The following DACH2 variants were observed in gnomAD, a reference collection of about 807,000 sequenced individuals.
The protein encoded by DACH2 is dachshund homolog 2.
DACH2 carries 17 observed loss-of-function variants against 35.8 expected under a neutral mutation model. The ratio of observed to expected loss-of-function variants is 0.48; its 90% CI spans 0.33 to 0.71. The LOEUF (loss-of-function observed/expected upper bound fraction) is 0.71. DACH2 is among the 30% of genes least tolerant of loss of function. The probability of loss-of-function intolerance (pLI) is 0.02; values close to 1 mark genes in which losing one functional copy is unlikely to be tolerated. For synonymous variants in DACH2, 195 were observed against 177.3 expected (o/e 1.10, Z -0.79); for missense variants, 469 against 472.7 (o/e 0.99, Z 0.07).
intron 3 of DACH2, among the ~76,000 whole-genome samples, chrX:86,583,929 G>T (rs1277102914): frequency 9.1e-6 from 1 of 110,240 alleles, no homozygotes; most frequent in Non-Finnish European, 1.9e-5. Flanking sequence ...TGAGAGTAAT[G>T]CCTGCCTAGT....
At chrX:86,302,407 A>T (rs1240275744) in intron 1 of DACH2, among the ~76,000 whole-genome samples, 1 of 111,908 alleles carries the variant, frequency 8.9e-6, no homozygotes, top group African/African-American at 3.2e-5. Flanking sequence ...ATTATAGAGA[A>T]TTAATTGTAT....
intron 1 of DACH2, among the ~76,000 whole-genome samples, chrX:86,153,875 T>A (rs2030453471): frequency 8.9e-6 from 1 of 111,818 alleles, no homozygotes; most frequent in Non-Finnish European, 1.9e-5. Context: ...CCTCACTCAT[T>A]TATTAGGTGA....
intron 2 of DACH2, among the ~76,000 whole-genome samples, chrX:86,426,021 G>A (rs1003446235): frequency 5.4e-5 from 6 of 111,108 alleles, no homozygotes; most frequent in African/African-American, 2.0e-4. Context: ...TACTGAAACC[G>A]CATGCTTAGA....
chrX:86,609,458 G>A (rs898698217), intron 3 of DACH2, among the ~76,000 whole-genome samples: 10 of 111,617 alleles, frequency 9.0e-5, no homozygotes, highest in Non-Finnish European at 1.9e-4. Flanking sequence ...CTCCTGGATT[G>A]GTCTCTTGTG....
At chrX:86,282,122 C>T (rs1602351651) in intron 1 of DACH2, among the ~76,000 whole-genome samples, 1 of 108,371 alleles carries the variant, frequency 9.2e-6, no homozygotes, top group Non-Finnish European at 1.9e-5. Flanking sequence ...GCTACCATTG[C>T]CTTTCTTCAA....
At chrX:86,187,586 G>A (rs1190993814) in intron 1 of DACH2, among the ~76,000 whole-genome samples, 1 of 109,619 alleles carries the variant, frequency 9.1e-6, no homozygotes, top group African/African-American at 3.3e-5. Flanking sequence ...CCCAGCTAAT[G>A]TTTGTATTTT....
intron 1 of DACH2, among the ~76,000 whole-genome samples, chrX:86,323,948 A>G (rs1442538376): frequency 8.9e-6 from 1 of 111,739 alleles, no homozygotes; most frequent in Admixed American, 9.5e-5. Context: ...AGTACAGGAA[A>G]CCTTGGAAAT....
intron 5 of DACH2, among the ~76,000 whole-genome samples, chrX:86,702,167 A>C (rs2041152647): frequency 8.9e-6 from 1 of 112,101 alleles, no homozygotes; most frequent in Non-Finnish European, 1.9e-5. Context: ...TCTGCTCTTG[A>C]AAGATTTTTG....
chrX:86,737,508 A>C (rs1184454354), intron 6 of DACH2, among the ~76,000 whole-genome samples: 2 of 112,104 alleles, frequency 1.8e-5, no homozygotes, highest in Non-Finnish European at 3.8e-5. Context: ...GCTAAGCAAT[A>C]ATGTCAAACA....
intron 4 of DACH2, among the ~76,000 whole-genome samples, chrX:86,687,254 G>A (rs971420917): frequency 9.1e-6 from 1 of 110,477 alleles, no homozygotes; most frequent in Non-Finnish European, 1.9e-5. Flanking sequence ...GGGTTTGCCT[G>A]TAAAGATAAC....
Position 86,252,575 on chromosome X carries a change from C to G in DACH2, c.488+103467C>G, listed in dbSNP as rs1289688428. Among the ~76,000 whole-genome samples, 3 of 111,321 alleles carry G rather than the reference C, an allele frequency of 2.7e-5. No homozygotes were observed. In the South Asian group the frequency reaches 1.1e-3, roughly 42 times the overall value. ...CTCCTACATGTGGCTTGCCAATTAT[C>G]CCAGCAACATTTGTTGAATAGGGTG... On this transcript the variant is annotated intron_variant, in intron 1 of 11. Coordinates refer to ENST00000373125, the MANE Select transcript of DACH2 (RefSeq NM_053281.3).
intron 1 of DACH2, among the ~76,000 whole-genome samples, chrX:86,288,456 G>A (rs1320803737): frequency 8.9e-6 from 1 of 112,144 alleles, no homozygotes; most frequent in African/African-American, 3.2e-5. Context: ...CCAGACCTGT[G>A]TCCTTCCCTT....
chrX:86,703,330 C>G (rs2041166221), intron 5 of DACH2, among the ~76,000 whole-genome samples: 1 of 111,347 alleles, frequency 9.0e-6, no homozygotes, highest in African/African-American at 3.3e-5. Flanking sequence ...AGGTCATACA[C>G]TGGTGGCATT....
At chrX:86,726,401 G>A (rs1000686083) in intron 6 of DACH2, among the ~76,000 whole-genome samples, 1 of 111,158 alleles carries the variant, frequency 9.0e-6, no homozygotes, top group Non-Finnish European at 1.9e-5. Flanking sequence ...CACCTCTCAG[G>A]TGAGCAGCAT....
chrX:86,616,724 T>C (rs187742412), intron 3 of DACH2, among the ~76,000 whole-genome samples: 18 of 112,424 alleles, frequency 1.6e-4, no homozygotes, highest in African/African-American at 5.2e-4. Flanking sequence ...GCCTGTTTAC[T>C]CTGTTGGTAG....
chrX:86,362,383 G>A lies in DACH2; in HGVS notation c.489-14441G>A, dbSNP rs764235409. ...AACTGAGCTGACGGAAAAAGCAGAT[G>A]GCCAAAAAATAAACTTAAAAAAATT... On this transcript the variant is annotated intron_variant, in intron 1 of 11. Coordinates refer to ENST00000373125, the MANE Select transcript of DACH2 (RefSeq NM_053281.3). Among the ~76,000 whole-genome samples the A allele has an allele frequency of 2.7e-5, 3 of 111,003 alleles. No individual in the cohort carries two copies. In the South Asian group the frequency reaches 1.1e-3, roughly 41 times the overall value.
intron 2 of DACH2, among the ~76,000 whole-genome samples, chrX:86,386,212 G>A (rs1294855529): frequency 1.8e-5 from 2 of 111,413 alleles, no homozygotes; most frequent in African/African-American, 6.5e-5. Context: ...GTAGTGGTCA[G>A]GTATTTGTAG....
chrX:86,481,438 A>C (rs1030866391), intron 2 of DACH2: 2 of 111,999 alleles, frequency 1.8e-5, no homozygotes, highest in African/African-American at 6.5e-5. Flanking sequence ...ATGCTTATAA[A>C]AATTCCATCT....
At chrX:86,374,740 G>C (rs1242840134) in intron 1 of DACH2, among the ~76,000 whole-genome samples, 1 of 110,691 alleles carries the variant, frequency 9.0e-6, no homozygotes, top group Non-Finnish European at 1.9e-5. Flanking sequence ...GAGAGGGGCA[G>C]CAAAAAGAAA....
Sources: allele counts gnomAD v4.1 joint callset (sites outside exome capture counted in the v4.1 genomes callset), GRCh38; gene constraint gnomAD v4.1.1; transcripts MANE v1.5; gene names NCBI Gene and HGNC (gene_info 2026-07-23, HGNC 2026-07-21).